Variants in COL21A1 observed in about 807,000 individuals in gnomAD.
The protein encoded by COL21A1 is collagen alpha-1(XXI) chain.
In COL21A1, 149 loss-of-function variants were observed where a neutral mutation model predicts 137.9. The observed-to-expected ratio is 1.08, with a 90% CI of 0.95 to 1.24. The LOEUF (loss-of-function observed/expected upper bound fraction) is 1.24. Among genes scored for constraint, COL21A1 ranks in the 50% most tolerant of loss-of-function variants. The pLI is 0.00. For synonymous variants in COL21A1, 456 were observed against 391.5 expected, an observed-to-expected ratio of 1.16 and a Z score of -1.95; for missense variants, 1,167 against 1,158.4, an observed-to-expected ratio of 1.01 and a Z score of -0.11.
intron 1 of COL21A1, among the ~76,000 whole-genome samples, chr6:56,328,993 A>C (rs1405396146): frequency 6.6e-6 from 1 of 152,112 alleles, no homozygotes; most frequent in Non-Finnish European, 1.5e-5. Flanking sequence ...GGTTTAGGGT[A>C]AGAACAAGCC....
intron 1 of COL21A1, among the ~76,000 whole-genome samples, chr6:56,370,345 G>A (rs1009011114): frequency 1.3e-5 from 2 of 152,140 alleles, no homozygotes; most frequent in Admixed American, 6.5e-5. Context: ...CACACACCGT[G>A]AGAATTAATC....
intron 1 of COL21A1, among the ~76,000 whole-genome samples, chr6:56,225,230 C>T (rs1166109670): frequency 6.6e-6 from 1 of 152,080 alleles, no homozygotes; most frequent in African/African-American, 2.4e-5. Context: ...AAGCAAACAA[C>T]TGCCCCTGTA....
chr6:56,177,371 TAAG>T (rs1035289673), intron 3 of COL21A1, among the ~76,000 whole-genome samples: 2 of 152,164 alleles, frequency 1.3e-5, no homozygotes, highest in African/African-American at 4.8e-5. Flanking sequence ...ACATAGAAGT[TAAG>T]TATGTGTCAA....
chr6:56,183,565 T>C (rs1410868576), intron 1 of COL21A1, among the ~76,000 whole-genome samples: 2 of 152,138 alleles, frequency 1.3e-5, no homozygotes. Context: ...AAGTAGTCCA[T>C]AGAAAGTTGG....
chr6:56,122,177 C>T (rs62412804), intron 16 of COL21A1, among the ~76,000 whole-genome samples: 22,871 of 152,202 alleles, frequency 0.15, 1,754 homozygotes, highest in Middle Eastern at 0.22. Context: ...TTTCCATTTA[C>T]ATGAAATGTC....
chr6:56,373,261 C>T (rs1018917394), intron 1 of COL21A1, among the ~76,000 whole-genome samples: 1 of 152,180 alleles, frequency 6.6e-6, no homozygotes, highest in African/African-American at 2.4e-5. Flanking sequence ...CTAGGGATTC[C>T]ATCTGCTACT....
At position 56,234,798 on chromosome 6, in the gene COL21A1, T is replaced by C. The variant is rs138123355; in HGVS notation, c.-39+12589A>G. 4.9e-3 allele frequency among the ~76,000 whole-genome samples: 742 copies of C among 151,926 alleles called. 6 individuals are homozygous for C. The highest frequency in any genetic ancestry group is 0.017 in the African/African-American group (708 of 41,498). On this transcript the variant is annotated intron_variant, in intron 1 of 29. Transcript: ENST00000244728. The stretch of plus-strand genomic sequence containing the variant: ...CTCTTGTCATGCTTTCTCATATTCA[T>C]CTCTTAAAAGCTATCCTTTCTCCTG...
intron 1 of COL21A1, among the ~76,000 whole-genome samples, chr6:56,387,936 T>C (rs943279385): frequency 6.6e-6 from 1 of 152,150 alleles, no homozygotes; most frequent in Admixed American, 6.5e-5. Flanking sequence ...CAATACCAGC[T>C]GTGGAGGCCA....
intron 1 of COL21A1, among the ~76,000 whole-genome samples, chr6:56,253,193 C>T (rs1434439587): frequency 6.6e-6 from 1 of 152,216 alleles, no homozygotes; most frequent in Non-Finnish European, 1.5e-5. Flanking sequence ...CAGATGCTCA[C>T]TGCTGAACTA....
At chr6:56,390,495 GACACACACACACAC>G (rs35424168) in intron 1 of COL21A1, among the ~76,000 whole-genome samples, 17 of 139,878 alleles carry the variant, frequency 1.2e-4, no homozygotes, top group Admixed American at 8.0e-4. Flanking sequence ...TGGCTGAATG[GACACACACACACAC>G]ACACACACAC....
intron 9 of COL21A1, among the ~76,000 whole-genome samples, chr6:56,157,977 A>G (rs1775881741): frequency 6.6e-6 from 1 of 152,236 alleles, no homozygotes; most frequent in Non-Finnish European, 1.5e-5. Flanking sequence ...GTCACACTCT[A>G]TGGAACTCTT....
At chr6:56,105,281 T>G (rs1320586425) in intron 16 of COL21A1, among the ~76,000 whole-genome samples, 1 of 152,198 alleles carries the variant, frequency 6.6e-6, no homozygotes, top group Non-Finnish European at 1.5e-5. Flanking sequence ...ATAGATTTGT[T>G]TTTTAGGAAA....
chr6:56,223,154 T>C (rs1405765662), intron 1 of COL21A1, among the ~76,000 whole-genome samples: 1 of 152,128 alleles, frequency 6.6e-6, no homozygotes, highest in Non-Finnish European at 1.5e-5. Context: ...AATCAGTTCA[T>C]GTATTTGTTG....
intron 16 of COL21A1, among the ~76,000 whole-genome samples, chr6:56,115,627 A>G (rs918800929): frequency 1.3e-5 from 2 of 152,164 alleles, no homozygotes; most frequent in African/African-American, 4.8e-5. Context: ...AAGAACATCT[A>G]CTAGCATCAA....
Position 56,258,632 on chromosome 6 carries a change from A to G in COL21A1, c.-38-75976T>C, listed in dbSNP as rs1328085095. Among the ~76,000 whole-genome samples, 5 of 152,034 alleles carry G rather than the reference A, an allele frequency of 3.3e-5. No individual in the cohort carries two copies. The East Asian group carries it at 9.6e-4, about 29-fold the overall frequency. On this transcript the variant is annotated intron_variant, in intron 1 of 28. Coordinates refer to the COL21A1 transcript ENST00000370819. ...ATGCACTCTATTTGCACATCTCTAG[A>G]CCTGTTTTGGCTCACAGGTAACAAG...
At chr6:56,239,069 T>C (rs1258011896) in intron 1 of COL21A1, among the ~76,000 whole-genome samples, 1 of 152,188 alleles carries the variant, frequency 6.6e-6, no homozygotes, top group Non-Finnish European at 1.5e-5. Flanking sequence ...GCCACAACCA[T>C]ACAACACTCA....
At chr6:56,236,993 GAAA>G (rs1781945081) in intron 1 of COL21A1, among the ~76,000 whole-genome samples, 1 of 151,920 alleles carries the variant, frequency 6.6e-6, no homozygotes, top group African/African-American at 2.4e-5. Context: ...ACTCCCTATT[GAAA>G]ACAATGGTTA....
intron 1 of COL21A1, among the ~76,000 whole-genome samples, chr6:56,374,782 T>TA (rs1470177647): frequency 6.6e-6 from 1 of 151,132 alleles, no homozygotes; most frequent in Non-Finnish European, 1.5e-5. Context: ...GGAATGTTTG[T>TA]AAAAAAGACA....
intron 1 of COL21A1, among the ~76,000 whole-genome samples, chr6:56,219,063 T>C (rs1780658853): frequency 6.6e-6 from 1 of 151,828 alleles, no homozygotes; most frequent in South Asian, 2.1e-4. Flanking sequence ...TGAAGTGTCA[T>C]CTCCTATTCT....
Sources: allele counts gnomAD v4.1 joint callset (sites outside exome capture counted in the v4.1 genomes callset), GRCh38; gene constraint gnomAD v4.1.1; transcripts MANE v1.5; gene names NCBI Gene and HGNC (gene_info 2026-07-23, HGNC 2026-07-21).